CHST12: variants seen among roughly 807,000 people sequenced by gnomAD.
The protein encoded by CHST12 is carbohydrate sulfotransferase 12.
Under a neutral mutation model 27.9 loss-of-function variants are expected in CHST12, and 23 were observed. The ratio of observed to expected loss-of-function variants is 0.82; its 90% CI spans 0.59 to 1.17. The LOEUF is 1.17. CHST12 is among the 50% of genes most tolerant of loss of function. CHST12 has a pLI of 0.00. For missense variants in CHST12, 682 were observed against 603.0 expected (o/e 1.13, Z -1.37); for synonymous variants, 322 against 273.0 (o/e 1.18, Z -1.77).
In CHST12 at chr7:2,433,932, G is replaced by A. The variant is rs1337318806; in HGVS notation, c.*48G>A. The A allele has an allele frequency of 6.7e-7, 1 of 1,503,308 alleles. No individual in the cohort carries two copies. Among genetic ancestry groups the A allele is most frequent in the Non-Finnish European group, 8.9e-7 (1 of 1,119,664 alleles). 93.1% of individuals were successfully genotyped at this position (1,503,308 alleles called of 1,614,324 possible). On this transcript the variant is annotated 3_prime_UTR_variant, in exon 2 of 2. Coordinates refer to ENST00000618655, the MANE Select transcript of CHST12 (RefSeq NM_018641.5). This position sits in a 1 kb window ranked among gnomAD's most constrained non-coding sequence, Gnocchi z 6.1. ...CGCGTGCCTGGAACCTGACGCACGC[G>A]CACTCCAGTTTTTTTATGACCTACG...
At chr7:2,411,514 G>A (rs1315325281) in intron 1 of CHST12, among the ~76,000 whole-genome samples, 2 of 5,112 alleles carry the variant, frequency 3.9e-4, no homozygotes, top group African/African-American at 2.4e-3. Context: ...TTTTTGAGAC[G>A]GAGTCTCACT....
intron 1 of CHST12, among the ~76,000 whole-genome samples, chr7:2,419,860 C>T (rs946962408): frequency 6.6e-6 from 1 of 151,848 alleles, no homozygotes; most frequent in Non-Finnish European, 1.5e-5. Context: ...CCATTGAACA[C>T]AAACTCCCAT....
rs772129359 is a variant in CHST12 at position 2,433,752 on chromosome 7, G to T, written c.1113G>T (p.Arg371Ser). The change falls in exon 2 of 2, where the codon AGG (arginine) becomes AGT (serine). Residue 371 changes from arginine to serine, a missense_variant. Coordinates refer to ENST00000618655, the MANE Select transcript of CHST12 (RefSeq NM_018641.5). The surrounding 1 kb of genome is among the most constrained non-coding windows in gnomAD (Gnocchi z 6.1). ...QLRFPPSYRN[R>S]TASSWEEDWF... Reference sequence around the variant, plus strand: ...GCTTCCCCCCGAGCTACCGGAACAGGACCGCCAGCAGCTGGGAGGAGGACT... The same window carrying T: ...GCTTCCCCCCGAGCTACCGGAACAGTACCGCCAGCAGCTGGGAGGAGGACT... 1 of 1,613,942 alleles carries T rather than the reference G, an allele frequency of 6.2e-7. No individual in the cohort carries two copies. Among genetic ancestry groups the T allele is most frequent in the East Asian group, 2.2e-5 (1 of 44,866 alleles).
intron 1 of CHST12, among the ~76,000 whole-genome samples, chr7:2,431,852 A>T (rs950544129): frequency 6.6e-6 from 1 of 152,098 alleles, no homozygotes; most frequent in Admixed American, 6.6e-5. Flanking sequence ...TTGTTGGGTC[A>T]CTGTGAAGTT....
At position 2,443,695 on chromosome 7, in the gene CHST12, G is replaced by C. The variant is rs1406086694; in HGVS notation, c.*9811G>C. 3 of 152,196 alleles carry C rather than the reference G, an allele frequency of 2.0e-5. No individual in the cohort carries two copies. The highest frequency in any genetic ancestry group is 7.2e-5 in the African/African-American group (3 of 41,430). The allele number at this position is 152,196 out of a possible 1,614,324, so 9.4% of individuals were successfully genotyped here. On this transcript the variant is annotated 3_prime_UTR_variant, in exon 2 of 2. Transcript: ENST00000618655. ...CCTCCTTGAATGCACACATAACACAGGAACAAAGACAGAGCTGCTTCCCTC... is the reference window on the plus strand; with the variant it reads ...CCTCCTTGAATGCACACATAACACACGAACAAAGACAGAGCTGCTTCCCTC...
At position 2,439,772 on chromosome 7, in the gene CHST12, G is replaced by A. The variant is rs62444204; in HGVS notation, c.*5888G>A. The stretch of plus-strand genomic sequence containing the variant: ...TGGGCGCCTGTAGTCCCAGCTACTC[G>A]GGAGGCTGAGGCAGGAGAATGGCGT... On this transcript the variant is annotated 3_prime_UTR_variant, in exon 2 of 2. Coordinates refer to ENST00000618655, the MANE Select transcript of CHST12 (RefSeq NM_018641.5). 5,534 of 151,932 alleles carry A rather than the reference G, an allele frequency of 0.036. 119 individuals are homozygous for A. Among genetic ancestry groups the A allele is most frequent in the Middle Eastern group, 0.082 (24 of 292 alleles). 9.4% of individuals were successfully genotyped at this position (151,932 alleles called of 1,614,324 possible).
chr7:2,442,339 ACG>A lies in CHST12; in HGVS notation c.*8456_*8457del, dbSNP rs1782627779. On this transcript the variant is annotated 3_prime_UTR_variant, in exon 2 of 2. Transcript: ENST00000618655. ...TCTTGTGAATAATGCTGCTGTGAAC[ACG>A]GGTGTGCAGATACCTGTTCAAGTCC... The A allele has an allele frequency of 6.6e-6, 1 of 152,170 alleles. No homozygotes were observed. Among genetic ancestry groups the A allele is most frequent in the South Asian group, 2.1e-4 (1 of 4,834 alleles). 9.4% of individuals were successfully genotyped at this position (152,170 alleles called of 1,614,324 possible). A position where few individuals can be genotyped will look rare whatever the true frequency, so the allele number is the denominator to read the frequency against.
At position 2,448,270 on chromosome 7, in the gene CHST12, C is replaced by G. The variant is rs1017570417; in HGVS notation, c.*14386C>G. The G allele has an allele frequency of 6.6e-6, 1 of 152,312 alleles. No homozygotes were observed. Among genetic ancestry groups the G allele is most frequent in the Non-Finnish European group, 1.5e-5 (1 of 68,082 alleles). 9.4% of individuals were successfully genotyped at this position (152,312 alleles called of 1,614,324 possible). ...GTGCCTTCCCGGCAGGTTGTCTCTG[C>G]CTCCCCTTGCACCCCTTGAATGGCG... is the stretch of plus-strand genomic sequence containing the variant. On this transcript the variant is annotated 3_prime_UTR_variant, in exon 2 of 2. Coordinates refer to ENST00000618655, the MANE Select transcript of CHST12 (RefSeq NM_018641.5).
chr7:2,413,530 C>G (rs1342032540), intron 1 of CHST12, among the ~76,000 whole-genome samples: 1 of 152,072 alleles, frequency 6.6e-6, no homozygotes, highest in Non-Finnish European at 1.5e-5. Context: ...TCTGCGTGCT[C>G]CTCTGCAGTC....
intron 1 of CHST12, among the ~76,000 whole-genome samples, chr7:2,424,932 G>A (rs557748337): frequency 6.0e-4 from 92 of 152,304 alleles, no homozygotes; most frequent in African/African-American, 2.0e-3. Context: ...CAGGCCGGGC[G>A]TGGTGGCTCA....
rs1242282647 is a variant in CHST12, at chr7:2,447,699, C to T, written c.*13815C>T. The T allele has an allele frequency of 6.6e-6, 1 of 152,104 alleles. No homozygotes were observed. The highest frequency in any genetic ancestry group is 1.5e-5 in the Non-Finnish European group (1 of 68,034). 9.4% of individuals were successfully genotyped at this position (152,104 alleles called of 1,614,324 possible). A position where few individuals can be genotyped will look rare whatever the true frequency, so the allele number is the denominator to read the frequency against. ...TGTTGGCCAGGCTGGTCTCGAACTT[C>T]TGACCTCAAGTGATTCGCCCGCCTC... On this transcript the variant is annotated 3_prime_UTR_variant, in exon 2 of 2. Coordinates refer to ENST00000618655, the MANE Select transcript of CHST12 (RefSeq NM_018641.5).
chr7:2,422,144 C>T (rs181902225), intron 1 of CHST12, among the ~76,000 whole-genome samples: 167 of 152,324 alleles, frequency 1.1e-3, no homozygotes, highest in African/African-American at 3.7e-3. Context: ...GTGACTGACT[C>T]CCCTGCAGCT....
chr7:2,405,398 T>G (rs1781496726), intron 1 of CHST12, among the ~76,000 whole-genome samples: 1 of 152,128 alleles, frequency 6.6e-6, no homozygotes, highest in African/African-American at 2.4e-5. Flanking sequence ...GAGCCGACAC[T>G]GGGCCTCTGC....
In CHST12 at chr7:2,441,377, T is replaced by C. The variant is rs552771837; in HGVS notation, c.*7493T>C. The stretch of plus-strand genomic sequence containing the variant: ...TGGAATAGGAACCTTAAAAATGCTT[T>C]CTTCACTCGTTTAAATAGTAATGAT... On this transcript the variant is annotated 3_prime_UTR_variant, in exon 2 of 2. Coordinates refer to ENST00000618655, the MANE Select transcript of CHST12 (RefSeq NM_018641.5). The C allele has an allele frequency of 1.3e-5, 2 of 152,276 alleles. No individual in the cohort carries two copies. Among genetic ancestry groups the C allele is most frequent in the East Asian group, 3.9e-4 (2 of 5,186 alleles). 9.4% of individuals were successfully genotyped at this position (152,276 alleles called of 1,614,324 possible).
intron 1 of CHST12, among the ~76,000 whole-genome samples, chr7:2,423,996 G>A (rs139494635): frequency 5.4e-4 from 82 of 152,234 alleles, no homozygotes; most frequent in African/African-American, 1.9e-3. Context: ...AGGCTGCAGT[G>A]AGCCGAGATT....
rs1430083328 is a variant in CHST12 at position 2,435,497 on chromosome 7, A to G, written c.*1613A>G. 1.3e-5 allele frequency: 2 copies of G among 152,246 alleles called. No homozygotes were observed. Among genetic ancestry groups the G allele is most frequent in the Non-Finnish European group, 2.9e-5 (2 of 68,072 alleles). The allele number at this position is 152,246 out of a possible 1,614,324, so 9.4% of individuals were successfully genotyped here. On this transcript the variant is annotated 3_prime_UTR_variant, in exon 2 of 2. Coordinates refer to ENST00000618655, the MANE Select transcript of CHST12 (RefSeq NM_018641.5). Reference sequence around the variant, plus strand: ...TAAAAGTGTCAGAGGAGGCTCTGGAAACATCTGGCTGAAACTCCTTTGCTA... The same window carrying G: ...TAAAAGTGTCAGAGGAGGCTCTGGAGACATCTGGCTGAAACTCCTTTGCTA...
chr7:2,432,796 G>A lies in CHST12; in HGVS notation c.157G>A (p.Gly53Arg), dbSNP rs769309077. ...CACGGGGCCGCCGCTGCCCACGCCC[G>A]GGCCGGACAGGGACAGGGAGCTCAC... ...PHTGPPLPTP[G>R]PDRDRELTAD... The change falls in exon 2 of 2, where the codon GGG (glycine) becomes AGG (arginine). Residue 53 changes from glycine (G) to arginine (R), a missense_variant. Physicochemically the swap from Gly to Arg is moderately radical, Grantham distance 125. Coordinates refer to ENST00000618655, the MANE Select transcript of CHST12 (RefSeq NM_018641.5). 11 of 1,613,660 alleles carry A rather than the reference G, an allele frequency of 6.8e-6. No homozygotes were observed. Among genetic ancestry groups the A allele is most frequent in the South Asian group, 1.1e-5 (1 of 91,066 alleles).
chr7:2,403,509 T>C (rs1188681052), upstream of CHST12: 1 of 150,668 alleles, frequency 6.6e-6, no homozygotes, highest in East Asian at 2.0e-4. Flanking sequence ...TCGGCCTCCG[T>C]GGCCCCTCCG....
At chr7:2,404,412 G>T (rs1781466631) in intron 1 of CHST12, among the ~76,000 whole-genome samples, 1 of 152,166 alleles carries the variant, frequency 6.6e-6, no homozygotes, top group South Asian at 2.1e-4. Context: ...AGTGTTTCCA[G>T]CATTATTAAA....
Sources: allele counts gnomAD v4.1 joint callset (sites outside exome capture counted in the v4.1 genomes callset), GRCh38; gene constraint gnomAD v4.1.1; non-coding constraint Gnocchi (gnomAD v3.1); transcripts MANE v1.5; gene names NCBI Gene and HGNC (gene_info 2026-07-23, HGNC 2026-07-21).